Variants in KAT6B observed in about 807,000 individuals in gnomAD.
KAT6B encodes histone acetyltransferase KAT6B.
In KAT6B, 10 loss-of-function variants were observed where a neutral mutation model predicts 187.5. The observed-to-expected ratio is 0.05, with a 90% confidence interval of 0.03 to 0.09. The LOEUF (loss-of-function observed/expected upper bound fraction) is 0.09, where lower values mean the gene tolerates loss of function less well. Among genes scored for constraint, KAT6B ranks in the 10% least tolerant of loss-of-function variants. KAT6B has a pLI of 1.00. For synonymous variants in KAT6B, 861 were observed against 926.8 expected (o/e 0.93, Z 1.29); for missense variants, 1,952 against 2,558.9 (o/e 0.76, Z 5.12).
intron 4 of KAT6B, among the ~76,000 whole-genome samples, chr10:74,960,887 A>T (rs1841052516): frequency 6.6e-6 from 1 of 152,216 alleles, no homozygotes; most frequent in Admixed American, 6.5e-5. Context: ...TGATTGCTGC[A>T]CGTAATTTAA....
intron 3 of KAT6B, among the ~76,000 whole-genome samples, chr10:74,867,550 A>C (rs1843641039): frequency 6.6e-6 from 1 of 152,194 alleles, no homozygotes; most frequent in African/African-American, 2.4e-5. Context: ...ATTTTCTGAA[A>C]GTTCAGCTTC....
chr10:74,862,945 A>C (rs1564527984), intron 3 of KAT6B, among the ~76,000 whole-genome samples: 1 of 152,088 alleles, frequency 6.6e-6, no homozygotes. Flanking sequence ...ATTACCTTCT[A>C]ACGAAGACCT....
At chr10:75,016,967 G>A (rs972630810) in intron 13 of KAT6B, among the ~76,000 whole-genome samples, 4 of 148,200 alleles carry the variant, frequency 2.7e-5, no homozygotes, top group Non-Finnish European at 5.9e-5. Context: ...GGATTCAAGT[G>A]ATTCTCCTGC....
chr10:74,910,939 C>G (rs1027160013), intron 3 of KAT6B, among the ~76,000 whole-genome samples: 1 of 152,044 alleles, frequency 6.6e-6, no homozygotes, highest in Admixed American at 6.6e-5. Context: ...TTCTTTGATA[C>G]TTGATAGAGA....
chr10:74,998,872 G>C (rs979815672), intron 13 of KAT6B, among the ~76,000 whole-genome samples: 2 of 152,140 alleles, frequency 1.3e-5, no homozygotes, highest in East Asian at 3.8e-4. Flanking sequence ...AGGCTTCAGT[G>C]AACTATGATT....
chr10:74,982,193 T>G (rs1196488747), intron 11 of KAT6B: 7 of 424,078 alleles, frequency 1.7e-5, no homozygotes, highest in Non-Finnish European at 3.1e-5. Flanking sequence ...ATATTCACCA[T>G]GAATTTATGA....
At chr10:74,879,543 T>G (rs1039555080) in intron 3 of KAT6B, among the ~76,000 whole-genome samples, 10 of 152,198 alleles carry the variant, frequency 6.6e-5, no homozygotes, top group Non-Finnish European at 1.2e-4. Flanking sequence ...AGATTTTGAC[T>G]GACAAGAGAT....
intron 3 of KAT6B, among the ~76,000 whole-genome samples, chr10:74,952,226 G>A (rs983588258): frequency 1.3e-5 from 2 of 151,998 alleles, no homozygotes; most frequent in South Asian, 2.1e-4. Context: ...GTGGTAGTGC[G>A]CCAGTATAGT....
chr10:74,837,364 A>G (rs1054382073), intron 1 of KAT6B, among the ~76,000 whole-genome samples: 3 of 152,222 alleles, frequency 2.0e-5, no homozygotes, highest in Non-Finnish European at 4.4e-5. Flanking sequence ...ATGTAGCACA[A>G]ATCCCCAGAA....
chr10:74,978,106 C>T (rs997291348), intron 9 of KAT6B, among the ~76,000 whole-genome samples: 1 of 152,202 alleles, frequency 6.6e-6, no homozygotes, highest in African/African-American at 2.4e-5. Context: ...CCCTACCCAA[C>T]CCCACTTCCT....
At chr10:74,942,284 G>A (rs530678092) in intron 3 of KAT6B, among the ~76,000 whole-genome samples, 1 of 152,150 alleles carries the variant, frequency 6.6e-6, no homozygotes, top group East Asian at 1.9e-4. Context: ...TACATTTTGA[G>A]TTTTACCTAG....
At chr10:74,986,045 A>AAAAAC (rs952972609) in intron 12 of KAT6B, among the ~76,000 whole-genome samples, 111 of 152,290 alleles carry the variant, frequency 7.3e-4, no homozygotes, top group South Asian at 5.6e-3. Flanking sequence ...ACTCCATCTC[A>AAAAAC]AAAACAAAAC....
intron 3 of KAT6B, among the ~76,000 whole-genome samples, chr10:74,885,292 G>A (rs1436161505): frequency 6.6e-6 from 1 of 151,990 alleles, no homozygotes; most frequent in Non-Finnish European, 1.5e-5. Context: ...AGCTGGTCTG[G>A]ACTCCAGGCC....
chr10:75,021,732 AG>A lies in KAT6B; in HGVS notation c.3022-147del. The A allele has an allele frequency of 3.9e-6, 3 of 762,924 alleles. No individual in the cohort carries two copies. In the South Asian group the frequency reaches 4.6e-5, roughly 12 times the overall value. 47.3% of individuals were successfully genotyped at this position (762,924 alleles called of 1,614,324 possible). A position where few individuals can be genotyped will look rare whatever the true frequency, so the allele number is the denominator to read the frequency against. On this transcript the variant is annotated intron_variant, in intron 15 of 17. Transcript: ENST00000287239. The stretch of plus-strand genomic sequence containing the variant: ...GATTTGTTATCCTAACTGATGCAAA[AG>A]GTTCCTGAGATGATGCAGCTGGAAT...
rs761287002 is a variant in KAT6B at position 74,975,826 on chromosome 10, C to T, written c.1489C>T (p.Pro497Ser). 1.2e-6 allele frequency: 2 copies of T among 1,614,138 alleles called. No individual in the cohort carries two copies. Among genetic ancestry groups the T allele is most frequent in the Non-Finnish European group, 8.5e-7 (1 of 1,180,008 alleles). Residue 497 changes from proline (P) to serine (S), a missense_variant, in exon 8 of 18, where the codon CCA becomes TCA. Pro to Ser is a moderately conservative substitution (Grantham distance 74, BLOSUM62 -1). Coordinates refer to ENST00000287239, the MANE Select transcript of KAT6B (RefSeq NM_012330.4). ...ACCTCCACCTTCTTCACTTCCACCC[C>T]CAACCCCCATCTCCGGTCAGAGCCC... ...LKPPPSSLPPPTPISGQSPSS... is the reference protein window; with the variant it reads ...LKPPPSSLPPSTPISGQSPSS...
intron 3 of KAT6B, among the ~76,000 whole-genome samples, chr10:74,885,374 C>G (rs571228154): frequency 2.4e-4 from 37 of 152,264 alleles, no homozygotes; most frequent in African/African-American, 8.7e-4. Flanking sequence ...TTGGACAGCA[C>G]AGATTTAGAA....
At chr10:74,870,948 G>A (rs1275216359) in intron 3 of KAT6B, among the ~76,000 whole-genome samples, 1 of 149,934 alleles carries the variant, frequency 6.7e-6, no homozygotes. Context: ...CACGATCTCG[G>A]CTCACTGCAA....
intron 3 of KAT6B, among the ~76,000 whole-genome samples, chr10:74,930,707 A>T (rs747465418): frequency 6.6e-6 from 1 of 152,166 alleles, no homozygotes; most frequent in Non-Finnish European, 1.5e-5. Context: ...TATATCATGT[A>T]TGTGTATTTG....
chr10:74,830,534 C>T (rs1325486009), intron 1 of KAT6B, among the ~76,000 whole-genome samples: 1 of 151,610 alleles, frequency 6.6e-6, no homozygotes, highest in Admixed American at 6.6e-5. Flanking sequence ...GTCACCTAGT[C>T]ATAAGGTATG....
Sources: gnomAD v4.1 joint callset for allele counts (sites outside exome capture counted in the v4.1 genomes callset) on GRCh38, gnomAD v4.1.1 for gene constraint, MANE v1.5 for transcripts, NCBI Gene and HGNC (gene_info 2026-07-23, HGNC 2026-07-21) for gene names.